IQSEC3: variants seen among roughly 807,000 people sequenced by gnomAD.
IQSEC3 encodes IQ motif and Sec7 domain ArfGEF 3.
A neutral mutation model predicts 105.4 loss-of-function variants in IQSEC3; 50 were observed. The observed-to-expected ratio is 0.47, with a 90% CI of 0.38 to 0.60. The LOEUF is 0.60. Ranked by LOEUF, IQSEC3 falls within the 20% of genes least tolerant of loss-of-function variation. IQSEC3 has a pLI of 0.00. For missense variants in IQSEC3, 1,415 were observed against 1,630.0 expected (o/e 0.87, Z 2.27); for synonymous variants, 708 against 746.0 (o/e 0.95, Z 0.83).
intron 1 of IQSEC3, among the ~76,000 whole-genome samples, chr12:76,096 A>T (rs1389100390): frequency 1.3e-4 from 5 of 39,222 alleles, no homozygotes; most frequent in Admixed American, 6.3e-4. Flanking sequence ...TCACACACAC[A>T]CACACACACA....
Position 152,296 on chromosome 12 carries a change from C to T in IQSEC3, c.2154-4729C>T, listed in dbSNP as rs782547616. ...CCCGTGCTGACTGCCCACGCATGCA[C>T]CAAGAGGCTCTCCTGTGTAACTGTG... On this transcript the variant is annotated intron_variant, in intron 5 of 13. Coordinates refer to ENST00000538872, the MANE Select transcript of IQSEC3 (RefSeq NM_001170738.2). The surrounding 1 kb of genome is among the most constrained non-coding windows in gnomAD (Gnocchi z 4.8). Among the ~76,000 whole-genome samples the T allele has an allele frequency of 1.3e-5, 2 of 152,216 alleles. No individual in the cohort carries two copies. The highest frequency in any genetic ancestry group is 2.9e-5 in the Non-Finnish European group (2 of 68,026).
intron 2 of IQSEC3, among the ~76,000 whole-genome samples, chr12:122,944 G>A (rs569367479): frequency 6.6e-6 from 1 of 152,324 alleles, no homozygotes; most frequent in African/African-American, 2.4e-5. Flanking sequence ...GAGGAAAGAT[G>A]AGTAAAACTG....
At position 125,815 on chromosome 12, in the gene IQSEC3, C is replaced by G. The variant is rs376118139; in HGVS notation, c.806C>G (p.Ser269Cys). Reference sequence around the variant, plus strand: ...AGGGCTGGCCCCCAGCACAAGGCCTCCCCCGGCCGGCAGCAGCCTGCCCTG... The same window carrying G: ...AGGGCTGGCCCCCAGCACAAGGCCTGCCCCGGCCGGCAGCAGCCTGCCCTG... ...SPRAGPQHKA[S>C]PGRQQPALAT... The change falls in exon 3 of 14, where the codon TCC becomes TGC. Residue 269 changes from serine to cysteine, a missense_variant. Ser to Cys is a moderately radical substitution (Grantham distance 112). Around this residue, in one of 6 missense-constraint regions of IQSEC3, gnomAD observed 720 missense variants for 633.0 expected, o/e 1.14. Transcript: ENST00000538872. 2.0e-4 allele frequency: 302 copies of G among 1,527,718 alleles called. 2 individuals are homozygous for G. In the African/African-American group the frequency reaches 2.2e-3, roughly 11 times the overall value. 94.6% of individuals were successfully genotyped at this position (1,527,718 alleles called of 1,614,324 possible).
intron 3 of IQSEC3, among the ~76,000 whole-genome samples, chr12:135,362 C>T (rs1179840809): frequency 6.6e-6 from 1 of 152,188 alleles, no homozygotes; most frequent in Non-Finnish European, 1.5e-5. Context: ...ATTATTTCCA[C>T]AGGAGCAGGA....
chr12:171,108 A>G lies in IQSEC3; in HGVS notation c.3065-4A>G. ...AATGAGCCCTGTGCTCTTTGCATTC[A>G]AAGCCAAAAGGGAAGCCGCGCTCAG... is the stretch of plus-strand genomic sequence containing the variant. On this transcript the variant is annotated splice_region_variant and splice_polypyrimidine_tract_variant and intron_variant, in intron 12 of 13. Coordinates refer to ENST00000538872, the MANE Select transcript of IQSEC3 (RefSeq NM_001170738.2). The G allele has an allele frequency of 1.2e-6, 2 of 1,613,844 alleles. No individual in the cohort carries two copies. Among genetic ancestry groups the G allele is most frequent in the Non-Finnish European group, 1.7e-6 (2 of 1,179,934 alleles).
chr12:151,879 C>T (rs1360855824), intron 5 of IQSEC3, among the ~76,000 whole-genome samples: 1 of 152,190 alleles, frequency 6.6e-6, no homozygotes, highest in East Asian at 1.9e-4. Context: ...ACCTCCTACT[C>T]ATCTTTCAGG....
intron 4 of IQSEC3, chr12:140,285 T>C (rs1028203230): frequency 2.0e-5 from 3 of 152,156 alleles, no homozygotes; most frequent in African/African-American, 7.2e-5. Flanking sequence ...TACACAGAGG[T>C]ATTACCATGC....
intron 5 of IQSEC3, chr12:141,614 A>C: frequency 3.5e-6 from 1 of 288,640 alleles, no homozygotes; most frequent in Non-Finnish European, 6.4e-6. Flanking sequence ...GGCTTGTGTC[A>C]GCACTGGGGT....
chr12:118,669 C>T (rs1309212290), intron 2 of IQSEC3, among the ~76,000 whole-genome samples: 1 of 152,198 alleles, frequency 6.6e-6, no homozygotes, highest in Non-Finnish European at 1.5e-5. Context: ...CCTGCTCTGG[C>T]AAGCCACCCC....
At chr12:119,871 G>A (rs77846018) in intron 2 of IQSEC3, among the ~76,000 whole-genome samples, 3 of 152,302 alleles carry the variant, frequency 2.0e-5, no homozygotes, top group Admixed American at 6.5e-5. Flanking sequence ...GGGGCTGACA[G>A]CTAAAGGCAC....
chr12:157,715 G>A lies in IQSEC3; in HGVS notation c.2443+21G>A, dbSNP rs782103324. ...TCGAGGTGAGGAGGTGGGCACTGGG[G>A]CAGGAGGGGCAAGGCCACGGCTCAG... On this transcript the variant is annotated intron_variant, in intron 7 of 13. Transcript: ENST00000538872. The A allele has an allele frequency of 6.9e-6, 11 of 1,603,260 alleles. No individual in the cohort carries two copies. The South Asian group carries it at 1.0e-4, about 15-fold the overall frequency.
chr12:170,061 G>A (rs924578400), intron 12 of IQSEC3, among the ~76,000 whole-genome samples: 17 of 152,292 alleles, frequency 1.1e-4, no homozygotes, highest in South Asian at 6.2e-4. Context: ...GACTAGTTAC[G>A]GCAGCGAGGA....
rs182027763 is a variant in IQSEC3 at position 78,735 on chromosome 12, G to A, written c.554+11299G>A. Among the ~76,000 whole-genome samples, 105 of 152,228 alleles carry A rather than the reference G, an allele frequency of 6.9e-4. 1 individual carries two copies. Among genetic ancestry groups the A allele is most frequent in the African/African-American group, 2.3e-3 (95 of 41,522 alleles). On this transcript the variant is annotated intron_variant, in intron 1 of 13. Coordinates refer to ENST00000538872, the MANE Select transcript of IQSEC3 (RefSeq NM_001170738.2). ...CTCGCGTTTCCCGTTCGTAAAATAAGGAATACGAATGGTACCACCCTCCTG... is the reference window on the plus strand; with the variant it reads ...CTCGCGTTTCCCGTTCGTAAAATAAAGAATACGAATGGTACCACCCTCCTG...
In IQSEC3 at chr12:72,548, C is replaced by T. The variant is rs1398870094; in HGVS notation, c.554+5112C>T. Among the ~76,000 whole-genome samples the T allele has an allele frequency of 9.4e-3, 1,255 of 132,848 alleles. 10 individuals are homozygous for T. Among genetic ancestry groups the T allele is most frequent in the African/African-American group, 0.03 (1,185 of 38,908 alleles). 87.2% of individuals were successfully genotyped at this position (132,848 alleles called of 152,430 possible). On this transcript the variant is annotated intron_variant, in intron 1 of 13. Transcript: ENST00000538872. Reference sequence around the variant, plus strand: ...AGTTCTTAGTAAGAGGCCCTGGGGACACTCTCACTGCACCCAGCAGACTCT... The same window carrying T: ...AGTTCTTAGTAAGAGGCCCTGGGGATACTCTCACTGCACCCAGCAGACTCT...
chr12:170,777 G>A (rs782624935), intron 12 of IQSEC3, among the ~76,000 whole-genome samples: 1 of 152,246 alleles, frequency 6.6e-6, no homozygotes, highest in Non-Finnish European at 1.5e-5. Flanking sequence ...TGTGATCCAC[G>A]GAGGCTGATG....
At chr12:171,293 C>T in intron 13 of IQSEC3, 132 bp downstream of exon 13, 1 of 1,614,060 alleles carries the variant, frequency 6.2e-7, no homozygotes, top group Non-Finnish European at 8.5e-7. Context: ...TTACCAATTT[C>T]AAGAGATACA....
chr12:141,437 C>T (rs1360546549), intron 5 of IQSEC3, 152 bp downstream of exon 5: 5 of 790,858 alleles, frequency 6.3e-6, no homozygotes, highest in Non-Finnish European at 9.8e-6. Flanking sequence ...CCTCTTTAGC[C>T]CATCACCCCA....
At chr12:83,944 G>GAT (rs1863835271) in intron 1 of IQSEC3, among the ~76,000 whole-genome samples, 1 of 152,182 alleles carries the variant, frequency 6.6e-6, no homozygotes, top group South Asian at 2.1e-4. Context: ...CTGACGGGAA[G>GAT]ATATTACAGT....
At chr12:153,389 C>G (rs565092408) in intron 5 of IQSEC3, among the ~76,000 whole-genome samples, 14 of 152,094 alleles carry the variant, frequency 9.2e-5, no homozygotes. Context: ...CCGTTGGGAG[C>G]GTCTGCAGTG....
Sources: gnomAD v4.1 joint callset for allele counts (sites outside exome capture counted in the v4.1 genomes callset) on GRCh38, gnomAD v4.1.1 for gene constraint, gnomAD v4.1.1 regional missense constraint, Gnocchi (gnomAD v3.1) non-coding constraint, MANE v1.5 for transcripts, NCBI Gene and HGNC (gene_info 2026-07-23, HGNC 2026-07-21) for gene names.